Variants in KLHL32 observed in about 807,000 individuals in gnomAD.
KLHL32 encodes kelch like family member 32.
KLHL32 carries 35 observed loss-of-function variants against 64.8 expected under a neutral mutation model. The observed-to-expected ratio is 0.54, with a 90% CI of 0.41 to 0.72. The LOEUF (loss-of-function observed/expected upper bound fraction) is 0.72, where lower values mean the gene tolerates loss of function less well. Ranked by LOEUF, KLHL32 falls within the 30% of genes least tolerant of loss-of-function variation. KLHL32 has a pLI of 0.00. For synonymous variants in KLHL32, 259 were observed against 281.0 expected (o/e 0.92, Z 0.78); for missense variants, 589 against 768.5 (o/e 0.77, Z 2.76).
chr6:97,047,297 G>A (rs546065044), intron 4 of KLHL32, among the ~76,000 whole-genome samples: 6 of 152,342 alleles, frequency 3.9e-5, no homozygotes, highest in East Asian at 3.9e-4. Context: ...TGGGCACACT[G>A]TGTTTGGGAC....
intron 3 of KLHL32, among the ~76,000 whole-genome samples, chr6:97,027,809 T>C (rs140345969): frequency 2.3e-4 from 35 of 152,342 alleles, no homozygotes; most frequent in African/African-American, 8.2e-4. Flanking sequence ...ACTTCGAGCA[T>C]TGGCTTCAAG....
intron 3 of KLHL32, among the ~76,000 whole-genome samples, chr6:97,016,600 G>A (rs901945955): frequency 6.6e-6 from 1 of 152,176 alleles, no homozygotes; most frequent in African/African-American, 2.4e-5. Flanking sequence ...TGTCTTAGAT[G>A]AGACTTTGGA....
intron 7 of KLHL32, among the ~76,000 whole-genome samples, chr6:97,116,624 A>G (rs994988555): frequency 1.3e-5 from 2 of 152,174 alleles, no homozygotes; most frequent in African/African-American, 4.8e-5. Flanking sequence ...TAGCTTGTAA[A>G]AGAATGCTGG....
At chr6:97,086,834 A>G (rs1190445822) in intron 6 of KLHL32, among the ~76,000 whole-genome samples, 1 of 152,238 alleles carries the variant, frequency 6.6e-6, no homozygotes, top group Non-Finnish European at 1.5e-5. Flanking sequence ...AATGGGAAGT[A>G]GTCAAATTTT....
chr6:96,937,751 C>T (rs1770789594), intron 1 of KLHL32, among the ~76,000 whole-genome samples: 1 of 152,192 alleles, frequency 6.6e-6, no homozygotes, highest in Non-Finnish European at 1.5e-5. Flanking sequence ...TGCCCTTCTG[C>T]CTTCAGCTTC....
chr6:97,132,592 G>T, intron 9 of KLHL32, 61 bp from the exon 10 acceptor site: 2 of 1,298,504 alleles, frequency 1.5e-6, no homozygotes, highest in Non-Finnish European at 2.2e-6. Flanking sequence ...TGGCAAAAGG[G>T]TTAATTAAAA....
chr6:97,009,236 G>A (rs1780058328), intron 3 of KLHL32, among the ~76,000 whole-genome samples: 1 of 151,092 alleles, frequency 6.6e-6, no homozygotes, highest in Admixed American at 6.6e-5. Context: ...TGGAATTTTG[G>A]TTTATAAACC....
At chr6:96,904,209 G>T in the KLHL32 span, among the ~76,000 whole-genome samples, 2 of 151,888 alleles carry the variant, frequency 1.3e-5, no homozygotes, top group African/African-American at 4.8e-5. Flanking sequence ...AGGCATGATG[G>T]TGCACATCGA....
At chr6:96,983,184 A>C (rs1423369506) in intron 3 of KLHL32, among the ~76,000 whole-genome samples, 1 of 152,256 alleles carries the variant, frequency 6.6e-6, no homozygotes, top group African/African-American at 2.4e-5. Context: ...GATTATGTTT[A>C]TTGATTTGCA....
upstream of KLHL32, chr6:96,924,496 A>C (rs1768891639): frequency 7.2e-6 from 1 of 139,402 alleles, no homozygotes; most frequent in Non-Finnish European, 1.6e-5. Context: ...GCGGCAGGGG[A>C]GCGAGCGCGC....
At chr6:96,987,203 A>C (rs930896544) in intron 3 of KLHL32, among the ~76,000 whole-genome samples, 1 of 151,840 alleles carries the variant, frequency 6.6e-6, no homozygotes, top group Non-Finnish European at 1.5e-5. Context: ...TTGAGTCTCT[A>C]TTTCCTTCAG....
At chr6:96,912,085 A>G in the KLHL32 span, among the ~76,000 whole-genome samples, 1 of 151,894 alleles carries the variant, frequency 6.6e-6, no homozygotes, top group East Asian at 1.9e-4. Flanking sequence ...CTGAATCTGA[A>G]CTCATCATCT....
chr6:96,964,420 C>T (rs1275368789), intron 1 of KLHL32, among the ~76,000 whole-genome samples: 1 of 152,200 alleles, frequency 6.6e-6, no homozygotes, highest in Non-Finnish European at 1.5e-5. Context: ...TTGGCACGCC[C>T]AGATGGGTGG....
chr6:97,041,683 G>T, intron 4 of KLHL32, 84 bp downstream of exon 4: 2 of 765,356 alleles, frequency 2.6e-6, no homozygotes, highest in East Asian at 2.6e-5. Flanking sequence ...ATGAGATTTA[G>T]TTATTGTTCT....
chr6:97,134,020 C>T (rs1295997661), intron 10 of KLHL32, among the ~76,000 whole-genome samples: 1 of 151,880 alleles, frequency 6.6e-6, no homozygotes. Context: ...AAAACCCCTA[C>T]ATAACTGGAA....
At chr6:97,017,784 G>A (rs1477787994) in intron 3 of KLHL32, among the ~76,000 whole-genome samples, 2 of 152,130 alleles carry the variant, frequency 1.3e-5, no homozygotes, top group Non-Finnish European at 2.9e-5. Flanking sequence ...TGACTAGAAG[G>A]ACACAATGGT....
chr6:97,118,417 G>A (rs929605945), intron 7 of KLHL32, among the ~76,000 whole-genome samples: 3 of 152,014 alleles, frequency 2.0e-5, no homozygotes, highest in African/African-American at 2.4e-5. Flanking sequence ...TTAGGAGTTC[G>A]AGACCAGCCT....
chr6:97,048,347 A>G (rs1196030068), intron 4 of KLHL32, among the ~76,000 whole-genome samples: 1 of 152,172 alleles, frequency 6.6e-6, no homozygotes, highest in Non-Finnish European at 1.5e-5. Flanking sequence ...TCTGAAAATC[A>G]TAGAAGAACC....
chr6:97,108,046 T>C (rs1796645660), intron 6 of KLHL32, among the ~76,000 whole-genome samples: 1 of 152,190 alleles, frequency 6.6e-6, no homozygotes, highest in Non-Finnish European at 1.5e-5. Flanking sequence ...AGAGACCTCC[T>C]GTTGTACATG....
Sources: allele counts gnomAD v4.1 joint callset (sites outside exome capture counted in the v4.1 genomes callset), GRCh38; gene constraint gnomAD v4.1.1; transcripts MANE v1.5; gene names NCBI Gene and HGNC (gene_info 2026-07-23, HGNC 2026-07-21).